Variants in RORA observed in about 807,000 individuals in gnomAD.
RORA encodes RAR related orphan receptor A.
In RORA, 7 loss-of-function variants were observed where a neutral mutation model predicts 69.5. The observed-to-expected ratio is 0.10, with a 90% CI of 0.06 to 0.19. The LOEUF is 0.19. RORA is among the 10% of genes least tolerant of loss of function. RORA has a pLI of 1.00. For missense variants in RORA, 457 were observed against 663.0 expected (o/e 0.69, Z 3.41); for synonymous variants, 261 against 240.8 (o/e 1.08, Z -0.78).
intron 1 of RORA, among the ~76,000 whole-genome samples, chr15:61,210,092 G>T (rs980531433): frequency 6.6e-6 from 1 of 152,172 alleles, no homozygotes; most frequent in African/African-American, 2.4e-5. Flanking sequence ...GATGCTCCCG[G>T]GATGCTGAGG....
At chr15:61,018,495 G>A (rs771235759) in intron 1 of RORA, among the ~76,000 whole-genome samples, 17 of 152,242 alleles carry the variant, frequency 1.1e-4, no homozygotes, top group Non-Finnish European at 2.1e-4. Context: ...GTGTGGGAGC[G>A]TATGTGTATG....
intron 2 of RORA, among the ~76,000 whole-genome samples, chr15:60,676,882 T>A (rs1326085680): frequency 6.6e-6 from 1 of 152,250 alleles, no homozygotes; most frequent in Non-Finnish European, 1.5e-5. Context: ...TCTCTTTATA[T>A]GGACTGTCTG....
intron 1 of RORA, among the ~76,000 whole-genome samples, chr15:60,801,730 G>A (rs1032330175): frequency 5.3e-5 from 8 of 152,182 alleles, no homozygotes; most frequent in African/African-American, 1.4e-4. Flanking sequence ...GAAAACTCAC[G>A]GTTTCAGATG....
At chr15:60,646,703 C>T (rs987221775) in intron 2 of RORA, among the ~76,000 whole-genome samples, 10 of 152,158 alleles carry the variant, frequency 6.6e-5, no homozygotes, top group African/African-American at 2.4e-4. Context: ...AGCAATGTGA[C>T]CATTTGTTTA....
chr15:61,062,260 T>C (rs117330224), intron 1 of RORA, among the ~76,000 whole-genome samples: 2,228 of 152,326 alleles, frequency 0.015, 25 homozygotes, highest in Non-Finnish European at 0.023. Context: ...GAGACGGCTC[T>C]GGGCCCAGCT....
In RORA at chr15:60,646,225, C is replaced by A. The variant is rs1423580088; in HGVS notation, c.196+32432G>T. Among the ~76,000 whole-genome samples the A allele has an allele frequency of 2.0e-5, 3 of 152,158 alleles. No homozygotes were observed. In the South Asian group the frequency reaches 6.2e-4, roughly 32 times the overall value. ...AACTCTGAAGTCATAATTTATCAAA[C>A]CTCTACCATAGCTGCCCAAATGCTC... is the stretch of plus-strand genomic sequence containing the variant. On this transcript the variant is annotated intron_variant, in intron 2 of 10. Coordinates refer to ENST00000335670, the MANE Select transcript of RORA (RefSeq NM_134261.3).
chr15:61,104,408 G>A (rs1056742997), intron 1 of RORA, among the ~76,000 whole-genome samples: 2 of 152,176 alleles, frequency 1.3e-5, no homozygotes, highest in East Asian at 1.9e-4. Flanking sequence ...AACACAACAG[G>A]AGGATGGTGC....
At chr15:61,209,385 T>C (rs2079970476) in intron 1 of RORA, among the ~76,000 whole-genome samples, 1 of 152,156 alleles carries the variant, frequency 6.6e-6, no homozygotes, top group Admixed American at 6.6e-5. Context: ...GAGGTGACCA[T>C]GCCTAAGATA....
intron 1 of RORA, among the ~76,000 whole-genome samples, chr15:60,771,557 A>G (rs76513311): frequency 0.025 from 3,780 of 152,290 alleles, 162 homozygotes; most frequent in African/African-American, 0.087. Context: ...AAAGGCCACT[A>G]TTGATTGTCA....
At chr15:60,693,252 C>T (rs2070855125) in intron 1 of RORA, among the ~76,000 whole-genome samples, 1 of 152,198 alleles carries the variant, frequency 6.6e-6, no homozygotes, top group South Asian at 2.1e-4. Flanking sequence ...GTCAACATCC[C>T]TTCAGGTTAA....
chr15:60,506,981 C>T (rs1487585024), intron 5 of RORA, among the ~76,000 whole-genome samples: 1 of 150,972 alleles, frequency 6.6e-6, no homozygotes, highest in African/African-American at 2.4e-5. Flanking sequence ...AGCGAGACTC[C>T]CTCTTAAAAA....
At chr15:60,740,250 C>T (rs1193840979) in intron 1 of RORA, among the ~76,000 whole-genome samples, 5 of 151,630 alleles carry the variant, frequency 3.3e-5, no homozygotes, top group South Asian at 2.1e-4. Flanking sequence ...CTACCCAGTT[C>T]GTTACCCCCC....
chr15:60,516,775 T>TCACAGTACTATCTATAATATA (rs1272896213), intron 3 of RORA, among the ~76,000 whole-genome samples: 1 of 152,166 alleles, frequency 6.6e-6, no homozygotes, highest in African/African-American at 2.4e-5. Flanking sequence ...AGGGTGTTCT[T>TCACAGTACTATCTATAATATA]CACAGTACTA....
chr15:60,526,277 C>T (rs1209487222), intron 3 of RORA, among the ~76,000 whole-genome samples: 1 of 152,124 alleles, frequency 6.6e-6, no homozygotes, highest in African/African-American at 2.4e-5. Flanking sequence ...TGGTAAGTGT[C>T]GATATCTGCT....
chr15:61,072,528 A>G (rs1472248173), intron 1 of RORA, among the ~76,000 whole-genome samples: 2 of 152,220 alleles, frequency 1.3e-5, no homozygotes, highest in African/African-American at 4.8e-5. Flanking sequence ...TTTCCAATAA[A>G]TCTATCTCAA....
chr15:60,655,790 A>G (rs1224004980), intron 2 of RORA, among the ~76,000 whole-genome samples: 2 of 152,122 alleles, frequency 1.3e-5, no homozygotes, highest in Non-Finnish European at 2.9e-5. Flanking sequence ...CAGGCCACAC[A>G]TATTCTGGGC....
intron 1 of RORA, among the ~76,000 whole-genome samples, chr15:61,081,392 T>C (rs1164709154): frequency 1.3e-5 from 2 of 152,274 alleles, no homozygotes; most frequent in Non-Finnish European, 2.9e-5. Flanking sequence ...TGAGTCATTT[T>C]TTAAATTGTT....
chr15:60,824,616 A>G (rs1166407531), intron 1 of RORA, among the ~76,000 whole-genome samples: 1 of 152,218 alleles, frequency 6.6e-6, no homozygotes, highest in Non-Finnish European at 1.5e-5. Context: ...ACTATGGACA[A>G]ATTATATAAC....
chr15:60,492,876 A>G lies in RORA; in HGVS notation c.*4579T>C, dbSNP rs752163400. On this transcript the variant is annotated 3_prime_UTR_variant, in exon 11 of 11. Transcript: ENST00000335670. ...AGAGTTTACACACACGCAGTTCTAT[A>G]TAGTTCACTTGTGCCTTGGAGGGAT... 1 of 152,162 alleles carries G rather than the reference A, an allele frequency of 6.6e-6. No individual in the cohort carries two copies. The allele number at this position is 152,162 out of a possible 1,614,324, so 9.4% of individuals were successfully genotyped here.
Sources: gnomAD v4.1 joint callset for allele counts (sites outside exome capture counted in the v4.1 genomes callset) on GRCh38, gnomAD v4.1.1 for gene constraint, MANE v1.5 for transcripts, NCBI Gene and HGNC (gene_info 2026-07-23, HGNC 2026-07-21) for gene names.